NR6A1: variants seen among roughly 807,000 people sequenced by gnomAD.
NR6A1 encodes retinoic acid receptor-related testis-associated receptor.
In NR6A1, 7 loss-of-function variants were observed where a neutral mutation model predicts 59.1. The observed-to-expected ratio is 0.12, with a 90% CI of 0.07 to 0.22. The LOEUF is 0.22. NR6A1 is among the 10% of genes least tolerant of loss of function. The pLI is 1.00. For missense variants in NR6A1, 468 were observed against 611.6 expected (o/e 0.77, Z 2.48); for synonymous variants, 243 against 236.1 (o/e 1.03, Z -0.27).
chr9:124,635,182 A>G (rs1268477244), intron 2 of NR6A1, among the ~76,000 whole-genome samples: 1 of 152,024 alleles, frequency 6.6e-6, no homozygotes, highest in Non-Finnish European at 1.5e-5. Flanking sequence ...CTCCCTCCCC[A>G]TTAACCCTTG....
chr9:124,529,636 C>T (rs1833038710), intron 7 of NR6A1, among the ~76,000 whole-genome samples: 1 of 152,178 alleles, frequency 6.6e-6, no homozygotes, highest in South Asian at 2.1e-4. Context: ...TTAGCTGCTA[C>T]CTGGAAAAGG....
intron 7 of NR6A1, among the ~76,000 whole-genome samples, chr9:124,530,508 C>G (rs1833072978): frequency 6.6e-6 from 1 of 152,178 alleles, no homozygotes; most frequent in African/African-American, 2.4e-5. Flanking sequence ...ACAAACACAC[C>G]CATTCTTCTT....
intron 2 of NR6A1, among the ~76,000 whole-genome samples, chr9:124,590,259 T>C (rs916076157): frequency 8.6e-5 from 13 of 151,878 alleles, no homozygotes; most frequent in African/African-American, 3.1e-4. Context: ...AATTTTACCA[T>C]GTTAAGAAAA....
chr9:124,708,081 G>A (rs1254523930), intron 2 of NR6A1, among the ~76,000 whole-genome samples: 1 of 152,162 alleles, frequency 6.6e-6, no homozygotes, highest in Non-Finnish European at 1.5e-5. Context: ...CCTTGAAACT[G>A]TCTCACCTAC....
chr9:124,595,204 C>T (rs1835236184), intron 2 of NR6A1, among the ~76,000 whole-genome samples: 1 of 151,984 alleles, frequency 6.6e-6, no homozygotes, highest in African/African-American at 2.4e-5. Context: ...GAAAATGTAC[C>T]CATTTAAAAA....
intron 2 of NR6A1, among the ~76,000 whole-genome samples, chr9:124,634,231 T>C (rs1836531810): frequency 1.3e-5 from 2 of 152,192 alleles, no homozygotes; most frequent in Non-Finnish European, 1.5e-5. Context: ...CAGGTTACAG[T>C]AGCAAAGTTT....
At chr9:124,668,603 T>C (rs1282446101) in intron 2 of NR6A1, among the ~76,000 whole-genome samples, 1 of 152,232 alleles carries the variant, frequency 6.6e-6, no homozygotes, top group African/African-American at 2.4e-5. Context: ...GTGTAGTTCA[T>C]ACACAATGGA....
intron 2 of NR6A1, among the ~76,000 whole-genome samples, chr9:124,625,983 G>A (rs1230165905): frequency 2.0e-5 from 3 of 152,154 alleles, no homozygotes; most frequent in Non-Finnish European, 2.9e-5. Flanking sequence ...AACTGACTGA[G>A]CCATCCTGCA....
intron 2 of NR6A1, among the ~76,000 whole-genome samples, chr9:124,589,521 T>C (rs934568224): frequency 6.6e-6 from 1 of 152,118 alleles, no homozygotes; most frequent in Non-Finnish European, 1.5e-5. Flanking sequence ...GTACACATAC[T>C]CTTATAATAA....
chr9:124,692,244 A>T (rs1838573802), intron 2 of NR6A1, among the ~76,000 whole-genome samples: 1 of 152,148 alleles, frequency 6.6e-6, no homozygotes, highest in Non-Finnish European at 1.5e-5. Context: ...ATTCAAAGAC[A>T]TTTTCTCAGA....
chr9:124,687,377 G>C (rs991483880), intron 2 of NR6A1, among the ~76,000 whole-genome samples: 5 of 151,746 alleles, frequency 3.3e-5, no homozygotes, highest in Admixed American at 2.6e-4. Context: ...CTGGCCTCAA[G>C]TGATACCCCT....
In NR6A1 at chr9:124,605,297, G is replaced by T. The variant is rs12686750; in HGVS notation, c.143-50727C>A. Among the ~76,000 whole-genome samples the T allele has an allele frequency of 1.4e-3, 209 of 152,328 alleles. 4 individuals carry two copies. The East Asian group carries it at 0.03, about 22-fold the overall frequency. ...TTAGAGGGGGAAAAAAGATGGAGGA[G>T]AAAATCTACAGATTAGGAAAACTAA... On this transcript the variant is annotated intron_variant, in intron 2 of 9. Coordinates refer to ENST00000487099, the MANE Select transcript of NR6A1 (RefSeq NM_033334.4).
At chr9:124,748,065 T>A (rs576572211) in intron 1 of NR6A1, among the ~76,000 whole-genome samples, 1 of 152,364 alleles carries the variant, frequency 6.6e-6, no homozygotes, top group East Asian at 1.9e-4. Flanking sequence ...TAAATTCCTA[T>A]TTGCAAACTC....
intron 2 of NR6A1, among the ~76,000 whole-genome samples, chr9:124,624,052 T>C (rs1281023853): frequency 1.3e-5 from 2 of 152,090 alleles, no homozygotes; most frequent in East Asian, 3.9e-4. Context: ...TTGCCCAAAG[T>C]CAAACAGCTA....
intron 2 of NR6A1, among the ~76,000 whole-genome samples, chr9:124,732,169 C>G (rs1490410414): frequency 6.6e-6 from 1 of 152,148 alleles, no homozygotes; most frequent in African/African-American, 2.4e-5. Flanking sequence ...GGTCCACCAC[C>G]TCAGAGCTTG....
intron 2 of NR6A1, among the ~76,000 whole-genome samples, chr9:124,668,521 AC>A (rs1837696182): frequency 6.6e-6 from 1 of 152,240 alleles, no homozygotes. Context: ...CTTAGATAAT[AC>A]AGAAAAACAT....
intron 2 of NR6A1, among the ~76,000 whole-genome samples, chr9:124,562,519 C>T (rs574396595): frequency 1.3e-5 from 2 of 152,124 alleles, no homozygotes; most frequent in African/African-American, 4.8e-5. Flanking sequence ...CAGCCTTGAA[C>T]GCCTGACCTC....
At chr9:124,574,525 T>A (rs1834534884) in intron 2 of NR6A1, among the ~76,000 whole-genome samples, 1 of 152,218 alleles carries the variant, frequency 6.6e-6, no homozygotes, top group Admixed American at 6.5e-5. Flanking sequence ...GATGCTAAAA[T>A]ATAATTCCCT....
chr9:124,730,300 T>C (rs1028666670), intron 2 of NR6A1, among the ~76,000 whole-genome samples: 2 of 152,274 alleles, frequency 1.3e-5, no homozygotes, highest in East Asian at 1.9e-4. Flanking sequence ...GGTGTGATCA[T>C]GGCTCAACTG....
Sources: gnomAD v4.1 joint callset for allele counts (sites outside exome capture counted in the v4.1 genomes callset) on GRCh38, gnomAD v4.1.1 for gene constraint, MANE v1.5 for transcripts, NCBI Gene and HGNC (gene_info 2026-07-23, HGNC 2026-07-21) for gene names.